Variants in RORA observed in about 807,000 individuals in gnomAD.
The protein encoded by RORA is nuclear receptor ROR-alpha.
RORA carries 7 observed loss-of-function variants against 69.5 expected under a neutral mutation model. That is an observed-to-expected ratio of 0.10 (90% confidence interval 0.06 to 0.19). The LOEUF (loss-of-function observed/expected upper bound fraction) is 0.19. RORA is among the 10% of genes least tolerant of loss of function. The pLI, the probability that RORA is intolerant of heterozygous loss-of-function variation, is 1.00. For missense variants in RORA, 457 were observed against 663.0 expected, an observed-to-expected ratio of 0.69 and a Z score of 3.41; for synonymous variants, 261 against 240.8, an observed-to-expected ratio of 1.08 and a Z score of -0.78.
chr15:60,794,104 C>G (rs1488883442), intron 1 of RORA, among the ~76,000 whole-genome samples: 3 of 152,094 alleles, frequency 2.0e-5, no homozygotes, highest in African/African-American at 7.2e-5. Flanking sequence ...CTTTTCTTCC[C>G]CAGAAAACAG....
intron 1 of RORA, among the ~76,000 whole-genome samples, chr15:61,071,129 A>C (rs2078336648): frequency 6.9e-6 from 1 of 144,950 alleles, no homozygotes; most frequent in African/African-American, 2.6e-5. Context: ...ACTAACCAAT[A>C]TTACCAATAT....
chr15:60,828,599 G>A (rs2072997408), intron 1 of RORA, among the ~76,000 whole-genome samples: 4 of 152,196 alleles, frequency 2.6e-5, no homozygotes, highest in African/African-American at 9.7e-5. Context: ...CCTGGTTCAG[G>A]CGCATGGGGC....
intron 1 of RORA, among the ~76,000 whole-genome samples, chr15:60,927,104 A>C (rs1385693810): frequency 6.7e-6 from 1 of 149,694 alleles, no homozygotes; most frequent in Non-Finnish European, 1.5e-5. Flanking sequence ...AGATCTCTCC[A>C]AACAGTTGAA....
At chr15:60,947,403 T>C (rs1404010790) in intron 1 of RORA, among the ~76,000 whole-genome samples, 2 of 152,180 alleles carry the variant, frequency 1.3e-5, no homozygotes, top group Admixed American at 1.3e-4. Context: ...CCCAACCCGG[T>C]GCTCTCTGAA....
chr15:60,530,632 G>A (rs1400961287), intron 3 of RORA: 5 of 152,202 alleles, frequency 3.3e-5, no homozygotes, highest in African/African-American at 7.2e-5. Context: ...ATGACTAACA[G>A]TAAAATGAAG....
chr15:60,579,288 G>A (rs2140478178), intron 2 of RORA, among the ~76,000 whole-genome samples: 1 of 152,254 alleles, frequency 6.6e-6, no homozygotes, highest in East Asian at 1.9e-4. Context: ...TTCTGAGAGG[G>A]CCTTGGGGCC....
At chr15:60,683,016 A>AT (rs935541460) in intron 1 of RORA, among the ~76,000 whole-genome samples, 25 of 151,954 alleles carry the variant, frequency 1.6e-4, no homozygotes, top group Non-Finnish European at 2.9e-4. Context: ...AGTCAGTGAC[A>AT]TTTTTTTTCT....
chr15:60,760,753 G>C (rs1426360733), intron 1 of RORA, among the ~76,000 whole-genome samples: 2 of 152,156 alleles, frequency 1.3e-5, no homozygotes, highest in African/African-American at 4.8e-5. Context: ...TAACAAATCA[G>C]GGGGCAGCAA....
intron 1 of RORA, among the ~76,000 whole-genome samples, chr15:61,165,800 A>T (rs1370433): frequency 0.87 from 132,289 of 152,272 alleles, 58,135 homozygotes; most frequent in Non-Finnish European, 0.94. Context: ...AATCTCAAAC[A>T]CAGAGGCCTG....
intron 1 of RORA, among the ~76,000 whole-genome samples, chr15:61,083,835 C>T (rs1006066776): frequency 3.3e-5 from 5 of 151,862 alleles, no homozygotes; most frequent in Admixed American, 6.6e-5. Flanking sequence ...AGTCTAAAAG[C>T]ATGAGGAAAA....
At chr15:61,089,160 T>C (rs1383638585) in intron 1 of RORA, among the ~76,000 whole-genome samples, 2 of 152,168 alleles carry the variant, frequency 1.3e-5, no homozygotes, top group African/African-American at 4.8e-5. Context: ...ACCTCAAGCA[T>C]AACAAAAGGA....
chr15:60,732,667 C>T (rs2071444043), intron 1 of RORA, among the ~76,000 whole-genome samples: 2 of 152,094 alleles, frequency 1.3e-5, no homozygotes, highest in African/African-American at 4.8e-5. Context: ...ATCACTCGTA[C>T]ATATCCACCC....
chr15:60,832,831 A>G lies in RORA; in HGVS notation c.167-154145T>C, dbSNP rs145246106. On this transcript the variant is annotated intron_variant, in intron 1 of 10. Coordinates refer to ENST00000335670, the MANE Select transcript of RORA (RefSeq NM_134261.3). ...TACCTGGCATTTCTCTCCTGCTGTT[A>G]CCATGCCTACACTGTGTCTCCCGCC... Among the ~76,000 whole-genome samples the G allele has an allele frequency of 1.1e-4, 17 of 152,210 alleles. No individual in the cohort carries two copies. The East Asian group carries it at 3.3e-3, about 29-fold the overall frequency.
chr15:60,670,886 ACTCT>A (rs1567149444), intron 2 of RORA, among the ~76,000 whole-genome samples: 1 of 151,638 alleles, frequency 6.6e-6, no homozygotes, highest in Non-Finnish European at 1.5e-5. Context: ...TAGAGTGATC[ACTCT>A]CTTCTTGTTT....
intron 1 of RORA, among the ~76,000 whole-genome samples, chr15:60,749,426 A>G (rs1263457445): frequency 1.3e-5 from 2 of 152,176 alleles, no homozygotes; most frequent in Non-Finnish European, 2.9e-5. Context: ...CTAATATTCT[A>G]TGGTGGTGAG....
intron 2 of RORA, chr15:60,627,292 G>C: frequency 6.2e-7 from 1 of 1,614,206 alleles, no homozygotes; most frequent in East Asian, 2.2e-5. Context: ...GGCCTGTCCA[G>C]TTCGAAGACA....
At chr15:61,095,450 A>G (rs1468652410) in intron 1 of RORA, among the ~76,000 whole-genome samples, 4 of 152,232 alleles carry the variant, frequency 2.6e-5, no homozygotes, top group African/African-American at 9.6e-5. Flanking sequence ...TTACATACAA[A>G]ACCAATAAAG....
intron 1 of RORA, among the ~76,000 whole-genome samples, chr15:60,846,324 G>A (rs948614349): frequency 3.3e-5 from 5 of 152,168 alleles, no homozygotes; most frequent in African/African-American, 1.2e-4. Context: ...GATAGGTACT[G>A]TATAAATATT....
At chr15:60,673,889 A>G (rs2070512097) in intron 2 of RORA, among the ~76,000 whole-genome samples, 1 of 152,234 alleles carries the variant, frequency 6.6e-6, no homozygotes, top group Non-Finnish European at 1.5e-5. Flanking sequence ...TATTTTAGTC[A>G]TGACCCACTG....
Sources: gnomAD v4.1 joint callset for allele counts (sites outside exome capture counted in the v4.1 genomes callset) on GRCh38, gnomAD v4.1.1 for gene constraint, MANE v1.5 for transcripts, NCBI Gene and HGNC (gene_info 2026-07-23, HGNC 2026-07-21) for gene names.